Variants in MACROD2 observed in about 807,000 individuals in gnomAD.
MACROD2 encodes mono-ADP ribosylhydrolase 2.
Under a neutral mutation model 70.4 loss-of-function variants are expected in MACROD2, and 36 were observed. The ratio of observed to expected loss-of-function variants is 0.51; its 90% confidence interval spans 0.39 to 0.68. The LOEUF (loss-of-function observed/expected upper bound fraction) is 0.68, where lower values mean the gene tolerates loss of function less well. MACROD2 is among the 30% of genes least tolerant of loss of function. MACROD2 has a pLI of 0.00. For synonymous variants in MACROD2, 172 were observed against 178.8 expected (o/e 0.96, Z 0.30); for missense variants, 496 against 538.4 (o/e 0.92, Z 0.78).
chr20:15,308,137 C>T (rs2077715838), intron 6 of MACROD2, among the ~76,000 whole-genome samples: 1 of 152,116 alleles, frequency 6.6e-6, no homozygotes. Context: ...TCTTATAAAG[C>T]TATTATTATC....
At chr20:14,980,997 C>T (rs1298867965) in intron 5 of MACROD2, among the ~76,000 whole-genome samples, 5 of 151,294 alleles carry the variant, frequency 3.3e-5, no homozygotes, top group Non-Finnish European at 7.4e-5. Flanking sequence ...CAGAGTGCAG[C>T]CAGAAGGATC....
chr20:14,691,097 T>C (rs2071058222), intron 5 of MACROD2, among the ~76,000 whole-genome samples: 1 of 152,126 alleles, frequency 6.6e-6, no homozygotes, highest in African/African-American at 2.4e-5. Flanking sequence ...TTTGTATGTT[T>C]ACTAGAGCTG....
intron 8 of MACROD2, among the ~76,000 whole-genome samples, chr20:15,751,799 G>A (rs1196598646): frequency 1.3e-5 from 2 of 151,496 alleles, no homozygotes; most frequent in East Asian, 3.9e-4. Flanking sequence ...AAAAGTGGGG[G>A]AAGAGTGACA....
At chr20:15,522,498 A>G (rs1480970724) in intron 8 of MACROD2, among the ~76,000 whole-genome samples, 3 of 152,224 alleles carry the variant, frequency 2.0e-5, no homozygotes, top group South Asian at 2.1e-4. Context: ...GTGTATATAC[A>G]AACAATAGAT....
At chr20:15,338,076 A>G (rs538309891) in intron 6 of MACROD2, among the ~76,000 whole-genome samples, 1 of 151,550 alleles carries the variant, frequency 6.6e-6, no homozygotes, top group East Asian at 1.9e-4. Context: ...ATTTATTAAC[A>G]GTACCCTCTC....
At chr20:15,227,823 GTTTT>G (rs59129207) in intron 5 of MACROD2, among the ~76,000 whole-genome samples, 13 of 46,108 alleles carry the variant, frequency 2.8e-4, no homozygotes, top group African/African-American at 3.9e-4. Flanking sequence ...AATTTCACCT[GTTTT>G]TTTTTTTTTT....
At chr20:14,512,122 A>G (rs1397977419) in intron 4 of MACROD2, among the ~76,000 whole-genome samples, 1 of 152,168 alleles carries the variant, frequency 6.6e-6, no homozygotes, top group Non-Finnish European at 1.5e-5. Context: ...AAAGATATCC[A>G]TGAAGGTCTA....
In MACROD2 at chr20:14,071,482, C is replaced by T. The variant is rs113756186; in HGVS notation, c.164-14139C>T. 1.6e-3 allele frequency among the ~76,000 whole-genome samples: 246 copies of T among 151,702 alleles called. 1 individual carries two copies. Among genetic ancestry groups the T allele is most frequent in the African/African-American group, 5.4e-3 (225 of 41,366 alleles). Reference sequence around the variant, plus strand: ...TCACCATGTTAGCCAGGATGGTCTCCGTTTCCTGACCTCGTGATCCACCTA... The same window carrying T: ...TCACCATGTTAGCCAGGATGGTCTCTGTTTCCTGACCTCGTGATCCACCTA... On this transcript the variant is annotated intron_variant, in intron 2 of 17. Transcript: ENST00000684519.
chr20:14,182,123 A>G (rs951850440), intron 3 of MACROD2, among the ~76,000 whole-genome samples: 1 of 152,180 alleles, frequency 6.6e-6, no homozygotes, highest in African/African-American at 2.4e-5. Flanking sequence ...GAGGGTTCCA[A>G]TTTCTTTTCA....
intron 5 of MACROD2, among the ~76,000 whole-genome samples, chr20:15,146,162 T>G (rs1014752567): frequency 2.6e-5 from 4 of 152,186 alleles, no homozygotes; most frequent in Non-Finnish European, 5.9e-5. Flanking sequence ...GTCTTCTATA[T>G]AAGTATTTTC....
intron 5 of MACROD2, among the ~76,000 whole-genome samples, chr20:14,952,673 TATC>T (rs1384650769): frequency 6.6e-6 from 1 of 152,154 alleles, no homozygotes; most frequent in South Asian, 2.1e-4. Context: ...GTGATATTTC[TATC>T]ATCATATATC....
Position 13,995,571 on chromosome 20 carries a change from C to G in MACROD2, c.-193C>G. The G allele has an allele frequency of 1.5e-6, 1 of 663,940 alleles. No individual in the cohort carries two copies. The highest frequency in any genetic ancestry group is 2.8e-6 in the Non-Finnish European group (1 of 361,106). The allele number at this position is 663,940 out of a possible 1,614,324, so 41.1% of individuals were successfully genotyped here. A position where few individuals can be genotyped will look rare whatever the true frequency, so the allele number is the denominator to read the frequency against. Reference sequence around the variant, plus strand: ...TCCGCGGGGCTGAGGCGGGTGGGAGCCGGAGCCGAGCGCGGGCTGAGGGAG... The same window carrying G: ...TCCGCGGGGCTGAGGCGGGTGGGAGGCGGAGCCGAGCGCGGGCTGAGGGAG... On this transcript the variant is annotated 5_prime_UTR_variant, in exon 1 of 18. Coordinates refer to ENST00000684519, the MANE Select transcript of MACROD2 (RefSeq NM_001351661.2). This position sits in a 1 kb window ranked among gnomAD's most constrained non-coding sequence, Gnocchi z 4.3.
chr20:14,073,062 A>G (rs1040690536), intron 2 of MACROD2, among the ~76,000 whole-genome samples: 1 of 152,206 alleles, frequency 6.6e-6, no homozygotes, highest in African/African-American at 2.4e-5. Context: ...GCGGCTGGGC[A>G]TAGTGGTTCA....
At chr20:15,741,091 TC>T (rs1321610797) in intron 8 of MACROD2, among the ~76,000 whole-genome samples, 2 of 135,436 alleles carry the variant, frequency 1.5e-5, no homozygotes, top group Non-Finnish European at 1.6e-5. Flanking sequence ...AGTTATCATA[TC>T]TTTTTTTTTT....
At chr20:14,679,872 A>G (rs2070910234) in intron 4 of MACROD2, among the ~76,000 whole-genome samples, 1 of 152,204 alleles carries the variant, frequency 6.6e-6, no homozygotes, top group African/African-American at 2.4e-5. Flanking sequence ...ACCAATAGTA[A>G]CTAGGAATTC....
At chr20:14,226,082 G>A (rs1438228470) in intron 3 of MACROD2, among the ~76,000 whole-genome samples, 1 of 152,150 alleles carries the variant, frequency 6.6e-6, no homozygotes, top group Non-Finnish European at 1.5e-5. Context: ...GTTCAGGTGG[G>A]GTTTAGGTAT....
intron 5 of MACROD2, among the ~76,000 whole-genome samples, chr20:15,060,457 G>A (rs1467533048): frequency 6.6e-6 from 1 of 152,180 alleles, no homozygotes; most frequent in Non-Finnish European, 1.5e-5. Context: ...CAGACCCACA[G>A]AGGCAACAGC....
At chr20:15,390,035 AAG>A (rs1426230196) in intron 6 of MACROD2, among the ~76,000 whole-genome samples, 1 of 152,198 alleles carries the variant, frequency 6.6e-6, no homozygotes, top group Non-Finnish European at 1.5e-5. Context: ...TAAAGGGGAA[AAG>A]AGAGAGAGAC....
At chr20:14,082,177 C>CTTTTTT (rs66918191) in intron 2 of MACROD2, among the ~76,000 whole-genome samples, 27 of 93,170 alleles carry the variant, frequency 2.9e-4, no homozygotes, top group Non-Finnish European at 3.2e-4. Context: ...CTTTTTTTTT[C>CTTTTTT]TTTTTTTTTT....
Sources: allele counts gnomAD v4.1 joint callset (sites outside exome capture counted in the v4.1 genomes callset), GRCh38; gene constraint gnomAD v4.1.1; non-coding constraint Gnocchi (gnomAD v3.1); transcripts MANE v1.5; gene names NCBI Gene and HGNC (gene_info 2026-07-23, HGNC 2026-07-21).